PLD5: variants seen among roughly 807,000 people sequenced by gnomAD.
PLD5 encodes phospholipase D family member 5.
A neutral mutation model predicts 61.1 loss-of-function variants in PLD5; 36 were observed. That is an observed-to-expected ratio of 0.59 (90% CI 0.45 to 0.78). The LOEUF is 0.78. Among genes scored for constraint, PLD5 ranks in the 30% least tolerant of loss-of-function variants. The probability of loss-of-function intolerance (pLI) is 0.00; values close to 1 mark genes in which losing one functional copy is unlikely to be tolerated. For missense variants in PLD5, 515 were observed against 644.4 expected (o/e 0.80, Z 2.17); for synonymous variants, 243 against 242.8 (o/e 1.00, Z -0.01).
At chr1:242,092,393 T>G (rs1341692775) in intron 9 of PLD5, among the ~76,000 whole-genome samples, 1 of 152,118 alleles carries the variant, frequency 6.6e-6, no homozygotes, top group Non-Finnish European at 1.5e-5. Context: ...ATTTGCCTAA[T>G]CACATGGTTA....
chr1:242,307,082 C>T (rs1291996498), intron 2 of PLD5, among the ~76,000 whole-genome samples: 1 of 152,120 alleles, frequency 6.6e-6, no homozygotes, highest in Non-Finnish European at 1.5e-5. Context: ...GAAAGGAAAC[C>T]TCTGTCTGCT....
chr1:242,278,544 A>G (rs1440061366), intron 3 of PLD5, among the ~76,000 whole-genome samples: 4 of 152,246 alleles, frequency 2.6e-5, no homozygotes, highest in African/African-American at 4.8e-5. Context: ...GAACATACCA[A>G]GAAAAAACAG....
At chr1:242,371,810 T>A (rs1174498435) in intron 1 of PLD5, among the ~76,000 whole-genome samples, 2 of 152,042 alleles carry the variant, frequency 1.3e-5, no homozygotes, top group East Asian at 1.9e-4. Flanking sequence ...GTGACCTCAG[T>A]GGTAGAAGGA....
At chr1:242,386,629 G>A (rs1558517318) in intron 1 of PLD5, among the ~76,000 whole-genome samples, 1 of 152,136 alleles carries the variant, frequency 6.6e-6, no homozygotes, top group Non-Finnish European at 1.5e-5. Context: ...AGCTGCAGAA[G>A]TCAACACCAT....
chr1:242,209,373 G>A (rs901446755), intron 5 of PLD5: 2 of 152,180 alleles, frequency 1.3e-5, no homozygotes, highest in Non-Finnish European at 2.9e-5. Context: ...TTCGTGCACT[G>A]TGCCTTATTG....
At chr1:242,530,173 C>T in the PLD5 span, among the ~76,000 whole-genome samples, 4 of 152,252 alleles carry the variant, frequency 2.6e-5, no homozygotes, top group African/African-American at 7.2e-5. Context: ...GGATTACAGG[C>T]GTGAGCCACC....
At chr1:242,439,685 C>T (rs1470004048) in intron 1 of PLD5, among the ~76,000 whole-genome samples, 1 of 152,202 alleles carries the variant, frequency 6.6e-6, no homozygotes, top group East Asian at 1.9e-4. Flanking sequence ...TTCCGTGAAG[C>T]ACACTACGGA....
At chr1:242,362,153 T>C (rs1162011921) in intron 1 of PLD5, among the ~76,000 whole-genome samples, 1 of 152,152 alleles carries the variant, frequency 6.6e-6, no homozygotes, top group East Asian at 1.9e-4. Flanking sequence ...CATGGTCAAG[T>C]CTTAAAAAGA....
At chr1:242,339,514 T>C (rs1165705919) in intron 2 of PLD5, among the ~76,000 whole-genome samples, 1 of 152,186 alleles carries the variant, frequency 6.6e-6, no homozygotes, top group Non-Finnish European at 1.5e-5. Flanking sequence ...TGACATGTAG[T>C]GTTCATTTCT....
At chr1:242,522,353 T>G (rs532610288) in intron 1 of PLD5, among the ~76,000 whole-genome samples, 1 of 152,344 alleles carries the variant, frequency 6.6e-6, no homozygotes, top group Non-Finnish European at 1.5e-5. Flanking sequence ...GAGCATCCCA[T>G]ACTCATGCAG....
At chr1:242,230,474 A>G (rs1360242962) in intron 4 of PLD5, among the ~76,000 whole-genome samples, 1 of 152,184 alleles carries the variant, frequency 6.6e-6, no homozygotes, top group Non-Finnish European at 1.5e-5. Flanking sequence ...TCTTCTGAAA[A>G]TATTAATTTG....
At chr1:242,171,717 GA>G (rs59594701) in intron 5 of PLD5, among the ~76,000 whole-genome samples, 35 of 144,540 alleles carry the variant, frequency 2.4e-4, no homozygotes, top group South Asian at 1.1e-3. Flanking sequence ...CAAATGGAAA[GA>G]AAAAAAAAAA....
intron 2 of PLD5, among the ~76,000 whole-genome samples, chr1:242,311,926 CTCA>C (rs71176747): frequency 0.97 from 146,617 of 151,158 alleles, 71,202 homozygotes; most frequent in Non-Finnish European, 1. Context: ...ATTCCTCAGA[CTCA>C]TCAATGATTT....
chr1:242,309,661 A>T (rs1009099495), intron 2 of PLD5, among the ~76,000 whole-genome samples: 2 of 117,322 alleles, frequency 1.7e-5, no homozygotes, highest in African/African-American at 5.5e-5. Context: ...GGCATGAGCC[A>T]CTGCACTTGG....
At chr1:242,326,318 GGCT>G (rs1308694150) in intron 2 of PLD5, among the ~76,000 whole-genome samples, 2 of 151,740 alleles carry the variant, frequency 1.3e-5, no homozygotes, top group East Asian at 3.9e-4. Context: ...AAGGTACTGC[GGCT>G]GCTAAGTATA....
At chr1:242,442,940 G>A (rs906929487) in intron 1 of PLD5, among the ~76,000 whole-genome samples, 1 of 152,140 alleles carries the variant, frequency 6.6e-6, no homozygotes, top group East Asian at 1.9e-4. Flanking sequence ...ACACAGTTCT[G>A]CAAGGAATCT....
chr1:242,378,128 T>A (rs752947880), intron 1 of PLD5, among the ~76,000 whole-genome samples: 1 of 152,192 alleles, frequency 6.6e-6, no homozygotes, highest in East Asian at 1.9e-4. Context: ...AATTAGGAGA[T>A]GAATGGATCG....
intron 1 of PLD5, among the ~76,000 whole-genome samples, chr1:242,402,541 C>A (rs1663999769): frequency 1.3e-5 from 2 of 152,132 alleles, no homozygotes; most frequent in South Asian, 4.1e-4. Context: ...TCATCAGAAG[C>A]TTAATAGGGT....
At chr1:242,381,315 G>T (rs1230448723) in intron 1 of PLD5, among the ~76,000 whole-genome samples, 2 of 152,074 alleles carry the variant, frequency 1.3e-5, no homozygotes, top group African/African-American at 4.8e-5. Flanking sequence ...ACCAAACACC[G>T]CATGTTCTCA....
Sources: gnomAD v4.1 joint callset for allele counts (sites outside exome capture counted in the v4.1 genomes callset) on GRCh38, gnomAD v4.1.1 for gene constraint, MANE v1.5 for transcripts, NCBI Gene and HGNC (gene_info 2026-07-23, HGNC 2026-07-21) for gene names.